Variants in PAX6 observed in about 807,000 individuals in gnomAD.
PAX6 encodes paired box protein Pax-6.
PAX6 carries 7 observed loss-of-function variants against 60.7 expected under a neutral mutation model. The ratio of observed to expected loss-of-function variants is 0.12; its 90% CI spans 0.07 to 0.22. The LOEUF is 0.22. Among genes scored for constraint, PAX6 ranks in the 10% least tolerant of loss-of-function variants. The probability of loss-of-function intolerance (pLI) is 1.00; values close to 1 mark genes in which losing one functional copy is unlikely to be tolerated. For synonymous variants in PAX6, 208 were observed against 201.2 expected (o/e 1.03, Z -0.29); for missense variants, 355 against 555.2 (o/e 0.64, Z 3.62).
chr11:31,802,042 G>T (rs1954086189), intron 5 of PAX6, 130 bp from the exon 6 acceptor site: 1 of 778,900 alleles, frequency 1.3e-6, no homozygotes, highest in Non-Finnish European at 2.1e-6. Flanking sequence ...ACTAAAAAAC[G>T]AATTTAAAAG....
At chr11:31,816,587 T>TCGC (rs1311139121) in intron 1 of PAX6, 1 of 702,480 alleles carries the variant, frequency 1.4e-6, no homozygotes. Flanking sequence ...GGCGACCTGC[T>TCGC]CGCCGCCCAG....
At chr11:31,790,548 C>G (rs1949559294) in intron 13 of PAX6, 162 bp downstream of exon 13, 1 of 954,820 alleles carries the variant, frequency 1.0e-6, no homozygotes, top group African/African-American at 1.8e-5. Context: ...TGTAAAGTTA[C>G]TAATTAGCTT....
intron 13 of PAX6, 49 bp from the exon 14 acceptor site, chr11:31,790,068 CA>C: frequency 2.2e-6 from 1 of 460,370 alleles, no homozygotes; most frequent in Non-Finnish European, 3.4e-6. Context: ...CTTTGAGAAA[CA>C]GACATGGAAT....
intron 12 of PAX6, 24 bp from the exon 13 acceptor site, chr11:31,790,884 T>C (rs770382213): frequency 4.3e-6 from 7 of 1,612,372 alleles, no homozygotes; most frequent in Non-Finnish European, 5.9e-6. Context: ...GGCAAACCTG[T>C]GGTTACTGAG....
intron 5 of PAX6, 128 bp downstream of exon 5, chr11:31,802,576 A>C: frequency 2.6e-6 from 2 of 770,702 alleles, no homozygotes; most frequent in Non-Finnish European, 3.7e-6. Context: ...GGGTGGGGGG[A>C]CTGGGGACTG....
rs1950384914 is a variant in PAX6, at chr11:31,793,043, A to G, written c.1074+395T>C. 5.2e-6 allele frequency: 3 copies of G among 577,368 alleles called. No homozygotes were observed. The South Asian group carries it at 6.3e-5, about 12-fold the overall frequency. 35.8% of individuals were successfully genotyped at this position (577,368 alleles called of 1,614,324 possible). A position where few individuals can be genotyped will look rare whatever the true frequency, so the allele number is the denominator to read the frequency against. ...TGCGTGCACAGATTCTATATTTAGC[A>G]TACAAACACATTAATATAAACCCAA... On this transcript the variant is annotated intron_variant, in intron 12 of 13. Transcript: ENST00000640368.
intron 1 of PAX6, among the ~76,000 whole-genome samples, chr11:31,817,541 C>G (rs1253540043): frequency 1.3e-5 from 2 of 152,276 alleles, no homozygotes; most frequent in African/African-American, 2.4e-5. Flanking sequence ...ACTCCCAGCT[C>G]AGGGCCGGAC....
chr11:31,796,514 G>T (rs897473494), intron 8 of PAX6, among the ~76,000 whole-genome samples: 2 of 149,284 alleles, frequency 1.3e-5, no homozygotes, highest in South Asian at 4.3e-4. Context: ...AGCATGGGGG[G>T]AGGCAGGGAG....
At chr11:31,814,641 TC>T (rs1298106692), upstream of PAX6, 1 of 152,284 alleles carries the variant, frequency 6.6e-6, no homozygotes, top group Admixed American at 6.5e-5. Context: ...GAAGGTGGGA[TC>T]CCTTGTCCGC....
rs774770770 is a variant in PAX6 at position 31,800,711 on chromosome 11, A to G, written c.545T>C (p.Val182Ala). 1.2e-6 allele frequency: 2 copies of G among 1,614,142 alleles called. No homozygotes were observed. Among genetic ancestry groups the G allele is most frequent in the South Asian group, 2.2e-5 (2 of 91,086 alleles). ...TTTACCTTGCGTAGGTTGCCCTGGC[A>G]CCGAAGTCCCCGGATACCAACCAGG... The part of the protein sequence containing the change: ...TRPGWYPGTS[V>A]PGQPTQDGCQ... Residue 182 changes from valine (V) to alanine (A), a missense_variant, in exon 8 of 14, where the codon GTG (valine) becomes GCG (alanine). Val to Ala is a moderately conservative substitution (Grantham distance 64). Around this residue, in one of 5 missense-constraint regions of PAX6, gnomAD observed 143 missense variants for 183.6 expected, o/e 0.78. Coordinates refer to ENST00000640368, the MANE Select transcript of PAX6 (RefSeq NM_001368894.2).
At chr11:31,804,297 T>C (rs559001420) in intron 4 of PAX6, 3 of 152,296 alleles carry the variant, frequency 2.0e-5, no homozygotes, top group African/African-American at 7.2e-5. Context: ...CTCCGGGAAA[T>C]TGCATCGTCA....
In PAX6 at chr11:31,789,124, A is replaced by G. The variant is rs1490973453; in HGVS notation, c.*810T>C. 3 of 203,130 alleles carry G rather than the reference A, an allele frequency of 1.5e-5. No homozygotes were observed. Among genetic ancestry groups the G allele is most frequent in the African/African-American group, 2.3e-5 (1 of 43,746 alleles). 12.6% of individuals were successfully genotyped at this position (203,130 alleles called of 1,614,324 possible). A position where few individuals can be genotyped will look rare whatever the true frequency, so the allele number is the denominator to read the frequency against. On this transcript the variant is annotated 3_prime_UTR_variant, in exon 14 of 14. Coordinates refer to ENST00000640368, the MANE Select transcript of PAX6 (RefSeq NM_001368894.2). ...AGTAATACAACTATATCTAAGAACA[A>G]TTAACTTTTGCTGGCCAAAAAAGAA... is the stretch of plus-strand genomic sequence containing the variant.
chr11:31,801,352 G>T (rs753881533), intron 7 of PAX6: 2 of 1,464,720 alleles, frequency 1.4e-6, no homozygotes, highest in Non-Finnish European at 1.8e-6. Context: ...CAAATGAAGT[G>T]AATGACTCCC....
chr11:31,806,660 A>G (rs1955885323), intron 3 of PAX6, 189 bp downstream of exon 3: 1 of 567,410 alleles, frequency 1.8e-6, no homozygotes, highest in African/African-American at 1.9e-5. Context: ...GGGGCTTGAA[A>G]CAAAGTACTG....
At chr11:31,790,090 AGGTT>A in intron 13 of PAX6, 71 bp from the exon 14 acceptor site, 1 of 252,806 alleles carries the variant, frequency 4.0e-6, no homozygotes, top group East Asian at 9.9e-5. Flanking sequence ...ACAAATTTAT[AGGTT>A]TACAAAAAAA....
Position 31,794,121 on chromosome 11 carries a change from G to C in PAX6, c.725-7C>G. ...TAATGGGTTCTCTCAAACTCTGAAA[G>C]AGTAAGTTGATTTTCCATATTGTGC... On this transcript the variant is annotated splice_polypyrimidine_tract_variant and splice_region_variant and intron_variant, in intron 9 of 13. Transcript: ENST00000640368. 1 of 1,589,282 alleles carries C rather than the reference G, an allele frequency of 6.3e-7. No individual in the cohort carries two copies. Among genetic ancestry groups the C allele is most frequent in the Non-Finnish European group, 8.6e-7 (1 of 1,157,472 alleles).
At chr11:31,813,931 G>A (rs1260223490), upstream of PAX6, among the ~76,000 whole-genome samples, 1 of 152,168 alleles carries the variant, frequency 6.6e-6, no homozygotes, top group Non-Finnish European at 1.5e-5. Flanking sequence ...GCGGCCTAGG[G>A]GTGTGGGGGC....
At chr11:31,802,006 TATG>T (rs1220894778) in intron 5 of PAX6, 94 bp from the exon 6 acceptor site, 5 of 984,582 alleles carry the variant, frequency 5.1e-6, no homozygotes, top group African/African-American at 1.6e-5. Context: ...AAACTACAAA[TATG>T]ATGATACTTT....
At chr11:31,794,451 CACACACA>C (rs1452713777) in intron 9 of PAX6, 172 bp downstream of exon 9, 8 of 627,762 alleles carry the variant, frequency 1.3e-5, no homozygotes, top group Non-Finnish European at 2.3e-5. Context: ...CACACACACA[CACACACA>C]CACACACACA....
Sources: gnomAD v4.1 joint callset for allele counts (sites outside exome capture counted in the v4.1 genomes callset) on GRCh38, gnomAD v4.1.1 for gene constraint, gnomAD v4.1.1 regional missense constraint, MANE v1.5 for transcripts, NCBI Gene and HGNC (gene_info 2026-07-23, HGNC 2026-07-21) for gene names.